Variants in ARFGAP2 observed in about 807,000 individuals in gnomAD.
ARFGAP2 encodes ADP-ribosylation factor GTPase-activating protein 2.
ARFGAP2 carries 45 observed loss-of-function variants against 71.9 expected under a neutral mutation model. The observed-to-expected ratio is 0.63, with a 90% CI of 0.49 to 0.80. The LOEUF (loss-of-function observed/expected upper bound fraction) is 0.80. Among genes scored for constraint, ARFGAP2 ranks in the 30% least tolerant of loss-of-function variants. The probability of loss-of-function intolerance (pLI) is 0.00; values close to 1 mark genes in which losing one functional copy is unlikely to be tolerated. For synonymous variants in ARFGAP2, 248 were observed against 249.2 expected (o/e 1.00, Z 0.05); for missense variants, 633 against 673.9 (o/e 0.94, Z 0.67).
intron 10 of ARFGAP2, among the ~76,000 whole-genome samples, chr11:47,170,323 CAAAAAAA>C (rs34843394): frequency 3.2e-4 from 24 of 73,952 alleles, no homozygotes; most frequent in Non-Finnish European, 3.1e-4. Flanking sequence ...GACTCCATCT[CAAAAAAA>C]AAAAAAAAAA....
At position 47,164,969 on chromosome 11, in the gene ARFGAP2, T is replaced by TGGCAGC. The variant is rs998879814; in HGVS notation, c.*507_*512dup. 6.5e-6 allele frequency: 1 copy of TGGCAGC among 154,540 alleles called. No homozygotes were observed. The highest frequency in any genetic ancestry group is 2.4e-5 in the African/African-American group (1 of 41,462). The allele number at this position is 154,540 out of a possible 1,614,324, so 9.6% of individuals were successfully genotyped here. A position where few individuals can be genotyped will look rare whatever the true frequency, so the allele number is the denominator to read the frequency against. On this transcript the variant is annotated 3_prime_UTR_variant, in exon 16 of 16. Transcript: ENST00000524782. Reference sequence around the variant, plus strand: ...TCTCCTGGCACCCAGAAGAGGCCACTGGCAGCAGCAGCAGCAGCAAGTCCG... The same window carrying TGGCAGC: ...TCTCCTGGCACCCAGAAGAGGCCACTGGCAGCGGCAGCAGCAGCAGCAGCAAGTCCG...
intron 15 of ARFGAP2, among the ~76,000 whole-genome samples, chr11:47,165,798 G>A (rs943874858): frequency 8.5e-5 from 13 of 152,154 alleles, no homozygotes; most frequent in South Asian, 4.1e-4. Context: ...GGAGAGGCCC[G>A]GCCCTGGCAC....
At chr11:47,174,964 T>G in intron 5 of ARFGAP2, 51 bp downstream of exon 5, 1 of 1,591,508 alleles carries the variant, frequency 6.3e-7, no homozygotes, top group Non-Finnish European at 8.6e-7. Context: ...TGGGCCTTGG[T>G]AAATTGCCTG....
rs1332798133 is a variant in ARFGAP2, at chr11:47,171,688, G to A, written c.785C>T (p.Ala262Val). 1 of 1,613,712 alleles carries A rather than the reference G, an allele frequency of 6.2e-7. No individual in the cohort carries two copies. The change falls in exon 9 of 16, where the codon GCC (alanine) becomes GTC (valine). Residue 262 changes from alanine to valine, a missense_variant. Physicochemically the swap from Ala to Val is moderately conservative, Grantham distance 64. Transcript: ENST00000524782. ...CATGGACTCCTCCGCCTGCTTCTTGGCATCGGCTGCCTGCTGCTCACGGAG... is the reference window on the plus strand; with the variant it reads ...CATGGACTCCTCCGCCTGCTTCTTGACATCGGCTGCCTGCTGCTCACGGAG... ...EKLREQQAAD[A>V]KKQAEESMVA...
chr11:47,176,587 C>A lies in ARFGAP2; in HGVS notation c.120G>T (p.Thr40=). The change falls in exon 2 of 16, where the codon ACG becomes ACT. Residue 40 remains threonine (T), a synonymous_variant. Coordinates refer to ENST00000524782, the MANE Select transcript of ARFGAP2 (RefSeq NM_032389.6). The part of the protein sequence containing the change: ...GAKNPSWASI[T]YGVFLCIDCS... ...AGTCAATGCACAAGAAAACACCGTA[C>A]GTGATGCTGGCCCAACTCGGATTCT... is the stretch of plus-strand genomic sequence containing the variant. 1 of 1,614,128 alleles carries A rather than the reference C, an allele frequency of 6.2e-7. No homozygotes were observed. Among genetic ancestry groups the A allele is most frequent in the East Asian group, 2.2e-5 (1 of 44,882 alleles).
In ARFGAP2 at chr11:47,176,387, C is replaced by G. The variant is rs1952825741; in HGVS notation, c.191+129G>C. ...GTGGTTCCCTCTGGCAGGAGGCTAC[C>G]GGACCCTCTCGGCCCAGAGGCTTCC... is the stretch of plus-strand genomic sequence containing the variant. On this transcript the variant is annotated intron_variant, in intron 2 of 15. Coordinates refer to ENST00000524782, the MANE Select transcript of ARFGAP2 (RefSeq NM_032389.6). 3.3e-6 allele frequency: 3 copies of G among 906,806 alleles called. No homozygotes were observed. In the South Asian group the frequency reaches 4.5e-5, roughly 14 times the overall value. The allele number at this position is 906,806 out of a possible 1,614,324, so 56.2% of individuals were successfully genotyped here. A position where few individuals can be genotyped will look rare whatever the true frequency, so the allele number is the denominator to read the frequency against.
chr11:47,172,912 C>G (rs1952658447), intron 7 of ARFGAP2, among the ~76,000 whole-genome samples: 1 of 152,234 alleles, frequency 6.6e-6, no homozygotes, highest in Admixed American at 6.5e-5. Context: ...CAGCCCCAAC[C>G]CCCAAGAGTC....
chr11:47,170,080 T>A (rs1952534572), intron 10 of ARFGAP2, among the ~76,000 whole-genome samples: 1 of 152,116 alleles, frequency 6.6e-6, no homozygotes, highest in Non-Finnish European at 1.5e-5. Flanking sequence ...ATCCCAGTAC[T>A]GTGGGAGGCC....
chr11:47,176,792 G>A lies in ARFGAP2; in HGVS notation c.62C>T (p.Pro21Leu). The A allele has an allele frequency of 3.1e-6, 5 of 1,614,132 alleles. No individual in the cohort carries two copies. Among genetic ancestry groups the A allele is most frequent in the Non-Finnish European group, 4.2e-6 (5 of 1,180,034 alleles). Residue 21 changes from proline (P) to leucine (L), a missense_variant, in exon 1 of 16, where the codon CCA (proline) becomes CTA (leucine). Transcript: ENST00000524782. ...QTLFKRLRAVPTNKACFDCGA... is the reference protein window; with the variant it reads ...QTLFKRLRAVLTNKACFDCGA... ...CCCCTGCTCACGCACCTTGTTGGTT[G>A]GAACTGCGCGAAGCCTCTTAAAAAG...
chr11:47,166,247 T>C (rs780292685), intron 15 of ARFGAP2, 21 bp downstream of exon 15: 16 of 1,612,438 alleles, frequency 9.9e-6, no homozygotes, highest in Admixed American at 1.7e-5. Context: ...CACTCCTCAT[T>C]AGGCCCCACT....
In ARFGAP2 at chr11:47,174,789, C is replaced by T. The variant is rs964369819; in HGVS notation, c.480+226G>A. The T allele has an allele frequency of 1.5e-5, 8 of 540,642 alleles. No individual in the cohort carries two copies. In the Admixed American group the frequency reaches 2.6e-4, roughly 18 times the overall value. 33.5% of individuals were successfully genotyped at this position (540,642 alleles called of 1,614,324 possible). A position where few individuals can be genotyped will look rare whatever the true frequency, so the allele number is the denominator to read the frequency against. ...TCAAGAAGCTGCCTCTCTTCCCCGCCAGCCCAATTTATAGGAGTCGATTTC... is the reference window on the plus strand; with the variant it reads ...TCAAGAAGCTGCCTCTCTTCCCCGCTAGCCCAATTTATAGGAGTCGATTTC... On this transcript the variant is annotated intron_variant, in intron 5 of 15. Coordinates refer to ENST00000524782, the MANE Select transcript of ARFGAP2 (RefSeq NM_032389.6).
chr11:47,171,387 C>G (rs1236782953), intron 10 of ARFGAP2, 39 bp downstream of exon 10: 2 of 1,609,682 alleles, frequency 1.2e-6, no homozygotes, highest in Non-Finnish European at 1.7e-6. Context: ...TCCCAGAAAA[C>G]AACGGCATTT....
intron 2 of ARFGAP2, 118 bp from the exon 3 acceptor site, chr11:47,176,041 C>T (rs1484972232): frequency 1.1e-6 from 1 of 941,672 alleles, no homozygotes; most frequent in Non-Finnish European, 1.7e-6. Flanking sequence ...ATTAATCAGC[C>T]ATCACCCCAT....
intron 2 of ARFGAP2, 31 bp downstream of exon 2, chr11:47,176,485 T>C: frequency 6.2e-7 from 1 of 1,602,224 alleles, no homozygotes. Flanking sequence ...GCCGGCCGGG[T>C]GGAAACACGG....
At position 47,175,937 on chromosome 11, in the gene ARFGAP2, C is replaced by CCTGTGTAG; in HGVS notation, c.192-15_192-14insCTACACAG. On this transcript the variant is annotated splice_polypyrimidine_tract_variant and intron_variant, in intron 2 of 15. Coordinates refer to ENST00000524782, the MANE Select transcript of ARFGAP2 (RefSeq NM_032389.6). The stretch of plus-strand genomic sequence containing the variant: ...AACTCTGTGGACCTGTGTACAAGGG[C>CCTGTGTAG]TGCGTCTCACCCACTAGCAGATACC... The CCTGTGTAG allele has an allele frequency of 6.2e-7, 1 of 1,613,696 alleles. No individual in the cohort carries two copies. The highest frequency in any genetic ancestry group is 1.7e-5 in the Admixed American group (1 of 59,968).
chr11:47,176,868 A>T lies in ARFGAP2; in HGVS notation c.-15T>A. The stretch of plus-strand genomic sequence containing the variant: ...TCCGCCGCCATTTTCTCTCCTTCCC[A>T]GACACAACCGCGGCTGACGGGTCCC... On this transcript the variant is annotated 5_prime_UTR_variant, in exon 1 of 16. Transcript: ENST00000524782. 1 of 1,611,668 alleles carries T rather than the reference A, an allele frequency of 6.2e-7. No homozygotes were observed. The highest frequency in any genetic ancestry group is 8.5e-7 in the Non-Finnish European group (1 of 1,179,102).
rs1952286230 is a variant in ARFGAP2, at chr11:47,164,788, C to G, written c.*694G>C. 1 of 152,604 alleles carries G rather than the reference C, an allele frequency of 6.6e-6. No homozygotes were observed. The highest frequency in any genetic ancestry group is 1.5e-5 in the Non-Finnish European group (1 of 68,358). 9.5% of individuals were successfully genotyped at this position (152,604 alleles called of 1,614,324 possible). On this transcript the variant is annotated 3_prime_UTR_variant, in exon 16 of 16. Coordinates refer to ENST00000524782, the MANE Select transcript of ARFGAP2 (RefSeq NM_032389.6). ...TCCACAGCAGATGGTACAGAGGGAC[C>G]CTGAGACACCCTGAAACAATCTTCC...
At chr11:47,174,855 A>G (rs951060420) in intron 5 of ARFGAP2, 160 bp downstream of exon 5, 1 of 747,922 alleles carries the variant, frequency 1.3e-6, no homozygotes, top group Non-Finnish European at 2.3e-6. Flanking sequence ...GGAGGAGGAA[A>G]CACCTAGGCC....
Position 47,166,584 on chromosome 11 carries a change from G to T in ARFGAP2, c.1348C>A (p.Arg450=), listed in dbSNP as rs757427995. ...CTGCTGCCTGAGAGCTGCTGCAGCCGAGACCTGGCCTCATACTGTGGTGAG... is the reference window on the plus strand; with the variant it reads ...CTGCTGCCTGAGAGCTGCTGCAGCCTAGACCTGGCCTCATACTGTGGTGAG... The part of the protein sequence containing the change: ...EVDAEYEARS[R]LQQLSGSSAI... The change falls in exon 14 of 16, where the codon CGG becomes AGG. Residue 450 remains arginine, a synonymous_variant. Transcript: ENST00000524782. 3 of 1,612,054 alleles carry T rather than the reference G, an allele frequency of 1.9e-6. No homozygotes were observed. Among genetic ancestry groups the T allele is most frequent in the Non-Finnish European group, 1.7e-6 (2 of 1,180,020 alleles).
Sources: gnomAD v4.1 joint callset for allele counts (sites outside exome capture counted in the v4.1 genomes callset) on GRCh38, gnomAD v4.1.1 for gene constraint, MANE v1.5 for transcripts, NCBI Gene and HGNC (gene_info 2026-07-23, HGNC 2026-07-21) for gene names.